The following C10orf67 variants were observed in gnomAD, a reference collection of about 807,000 sequenced individuals.
C10orf67 encodes the protein chromosome 10 open reading frame 67.
A neutral mutation model predicts 35.6 loss-of-function variants in C10orf67; 60 were observed. The observed-to-expected ratio is 1.68, with a 90% CI of 1.37 to 2.09. The LOEUF (loss-of-function observed/expected upper bound fraction) is 2.09. C10orf67 is among the 30% of genes most tolerant of loss of function. The probability of loss-of-function intolerance (pLI) is 0.00; values close to 1 mark genes in which losing one functional copy is unlikely to be tolerated. For missense variants in C10orf67, 474 were observed against 330.2 expected, an observed-to-expected ratio of 1.44 and a Z score of -3.38; for synonymous variants, 167 against 115.8, an observed-to-expected ratio of 1.44 and a Z score of -2.84.
At chr10:23,216,545 G>A (rs1841435996) in intron 15 of C10orf67, among the ~76,000 whole-genome samples, 1 of 152,010 alleles carries the variant, frequency 6.6e-6, no homozygotes, top group Non-Finnish European at 1.5e-5. Context: ...AGCTATTTAT[G>A]AATCTAACAA....
At chr10:23,327,945 C>T (rs1016497925) in intron 2 of C10orf67, among the ~76,000 whole-genome samples, 5 of 152,048 alleles carry the variant, frequency 3.3e-5, no homozygotes, top group African/African-American at 1.2e-4. Context: ...ACTGCGTTCT[C>T]CAACAAGAAA....
intron 10 of C10orf67, among the ~76,000 whole-genome samples, chr10:23,259,787 G>A (rs1031916692): frequency 1.3e-5 from 2 of 151,920 alleles, no homozygotes; most frequent in Admixed American, 1.3e-4. Context: ...TTGTTGGATG[G>A]GCTCATCAAT....
intron 15 of C10orf67, among the ~76,000 whole-genome samples, chr10:23,209,748 C>T (rs1014811633): frequency 1.4e-4 from 21 of 151,872 alleles, no homozygotes; most frequent in Non-Finnish European, 2.4e-4. Context: ...GCCTGTAATC[C>T]CAGCACTTTG....
intron 1 of C10orf67, among the ~76,000 whole-genome samples, chr10:23,335,657 T>C (rs558428288): frequency 2.6e-5 from 4 of 152,180 alleles, no homozygotes; most frequent in Non-Finnish European, 5.9e-5. Flanking sequence ...CCATTTAACA[T>C]GAAAACTCCT....
At chr10:23,310,121 T>G (rs1564503383) in intron 4 of C10orf67, among the ~76,000 whole-genome samples, 1 of 152,218 alleles carries the variant, frequency 6.6e-6, no homozygotes, top group East Asian at 1.9e-4. Flanking sequence ...ATCTAGTTTC[T>G]AGTCTCATAG....
At chr10:23,270,128 G>A (rs946533069) in intron 8 of C10orf67, among the ~76,000 whole-genome samples, 5 of 152,144 alleles carry the variant, frequency 3.3e-5, no homozygotes, top group Non-Finnish European at 4.4e-5. Context: ...TGGCTGTCAT[G>A]CAGAAGAATA....
At chr10:23,270,212 C>T (rs986822501) in intron 8 of C10orf67, among the ~76,000 whole-genome samples, 1 of 152,286 alleles carries the variant, frequency 6.6e-6, no homozygotes, top group South Asian at 2.1e-4. Context: ...AGGCAGACAA[C>T]CTGACCCACA....
chr10:23,267,885 G>C (rs1378686224), intron 8 of C10orf67, among the ~76,000 whole-genome samples: 1 of 150,436 alleles, frequency 6.6e-6, no homozygotes, highest in South Asian at 2.1e-4. Context: ...TGGGCAACAA[G>C]AGTGAAACTC....
At chr10:23,334,749 T>A (rs544430370) in intron 1 of C10orf67, among the ~76,000 whole-genome samples, 1 of 152,338 alleles carries the variant, frequency 6.6e-6, no homozygotes, top group East Asian at 1.9e-4. Flanking sequence ...GAAAGGTTTT[T>A]AGACTCCTAC....
intron 7 of C10orf67, among the ~76,000 whole-genome samples, chr10:23,287,914 A>G (rs551445331): frequency 6.6e-6 from 1 of 152,332 alleles, no homozygotes; most frequent in South Asian, 2.1e-4. Flanking sequence ...CAAAACCACA[A>G]TGAGATACCA....
chr10:23,295,125 T>A (rs2132268810), intron 5 of C10orf67, among the ~76,000 whole-genome samples: 1 of 152,316 alleles, frequency 6.6e-6, no homozygotes, highest in South Asian at 2.1e-4. Context: ...ACCCCGTTAA[T>A]CAGAATCACC....
At chr10:23,227,286 T>C (rs1467312006) in intron 13 of C10orf67, among the ~76,000 whole-genome samples, 3 of 152,134 alleles carry the variant, frequency 2.0e-5, no homozygotes, top group East Asian at 1.9e-4. Flanking sequence ...GTTCAACATA[T>C]GCAAATCAAT....
chr10:23,321,683 T>C (rs1056983068), intron 3 of C10orf67, among the ~76,000 whole-genome samples: 1 of 152,248 alleles, frequency 6.6e-6, no homozygotes, highest in African/African-American at 2.4e-5. Flanking sequence ...AGAGTAAATA[T>C]ATTTTAAGGG....
intron 4 of C10orf67, among the ~76,000 whole-genome samples, chr10:23,315,900 C>T (rs191656311): frequency 3.3e-5 from 5 of 152,002 alleles, no homozygotes; most frequent in African/African-American, 9.7e-5. Flanking sequence ...CTCACTGTAA[C>T]GTCAGACTCC....
chr10:23,233,970 C>G (rs1010485442), intron 13 of C10orf67, among the ~76,000 whole-genome samples: 1 of 152,120 alleles, frequency 6.6e-6, no homozygotes, highest in Non-Finnish European at 1.5e-5. Flanking sequence ...TTGATAAATT[C>G]ACATAGTTTC....
At chr10:23,342,413 C>T (rs749755601) in intron 1 of C10orf67, among the ~76,000 whole-genome samples, 1 of 152,148 alleles carries the variant, frequency 6.6e-6, no homozygotes, top group Non-Finnish European at 1.5e-5. Context: ...TTGTGGACCA[C>T]GTTCAGCACC....
In C10orf67 at chr10:23,282,980, G is replaced by T. The variant is rs532698317; in HGVS notation, c.910-902C>A. 2.0e-5 allele frequency among the ~76,000 whole-genome samples: 3 copies of T among 152,050 alleles called. No homozygotes were observed. In the South Asian group the frequency reaches 6.2e-4, roughly 32 times the overall value. On this transcript the variant is annotated intron_variant, in intron 7 of 15. Transcript: ENST00000636213. ...CAAAAAAAAAACGGCTAGGAAGAAT[G>T]AATAAGACCTAGTATTTGATAGCAC...
chr10:23,289,812 AAGACACTCTGGACAC>A lies in C10orf67; in HGVS notation c.909+73_909+87del. On this transcript the variant is annotated intron_variant, in intron 7 of 15. Coordinates refer to ENST00000636213, the MANE Select transcript of C10orf67 (RefSeq NM_001371909.1). Reference sequence around the variant, plus strand: ...GTGAATCAACTTTCCTCTATGTCATAAGACACTCTGGACACAGTGTTATTTGGCCAATTGCGCCTA... The same window carrying A: ...GTGAATCAACTTTCCTCTATGTCATAAGTGTTATTTGGCCAATTGCGCCTA... 7 of 669,506 alleles carry A rather than the reference AAGACACTCTGGACAC, an allele frequency of 1.0e-5. No homozygotes were observed. In the South Asian group the frequency reaches 1.2e-4, roughly 12 times the overall value. 41.5% of individuals were successfully genotyped at this position (669,506 alleles called of 1,614,324 possible). A position where few individuals can be genotyped will look rare whatever the true frequency, so the allele number is the denominator to read the frequency against.
chr10:23,334,775 G>A (rs1845610457), intron 1 of C10orf67, among the ~76,000 whole-genome samples: 2 of 152,254 alleles, frequency 1.3e-5, no homozygotes. Context: ...GGGCACCAGA[G>A]GAGAGGTTTC....
Sources: allele counts gnomAD v4.1 joint callset (sites outside exome capture counted in the v4.1 genomes callset), GRCh38; gene constraint gnomAD v4.1.1; transcripts MANE v1.5; gene names NCBI Gene and HGNC (gene_info 2026-07-23, HGNC 2026-07-21).